The following OLFM3 variants were observed in gnomAD, a reference collection of about 807,000 sequenced individuals.
OLFM3 encodes the protein noelin-3.
OLFM3 carries 20 observed loss-of-function variants against 48.6 expected under a neutral mutation model. The ratio of observed to expected loss-of-function variants is 0.41; its 90% CI spans 0.29 to 0.60. OLFM3 has a LOEUF of 0.60. Ranked by LOEUF, OLFM3 falls within the 20% of genes least tolerant of loss-of-function variation. The pLI, the probability that OLFM3 is intolerant of heterozygous loss-of-function variation, is 0.28. For synonymous variants in OLFM3, 222 were observed against 198.1 expected (o/e 1.12, Z -1.01); for missense variants, 437 against 544.3 (o/e 0.80, Z 1.96).
At chr1:101,821,936 C>A (rs189483951) in intron 4 of OLFM3, among the ~76,000 whole-genome samples, 260 of 152,132 alleles carry the variant, frequency 1.7e-3, no homozygotes, top group African/African-American at 6.2e-3. Flanking sequence ...CAATCAAATT[C>A]TTTCTAACAT....
At chr1:101,851,204 C>T (rs1656209536) in intron 1 of OLFM3, among the ~76,000 whole-genome samples, 1 of 152,104 alleles carries the variant, frequency 6.6e-6, no homozygotes, top group Admixed American at 6.6e-5. Context: ...ACCTTAAAAG[C>T]AGTTTAGTGG....
At chr1:101,918,813 G>A (rs1330850867) in intron 1 of OLFM3, among the ~76,000 whole-genome samples, 1 of 152,038 alleles carries the variant, frequency 6.6e-6, no homozygotes, top group African/African-American at 2.4e-5. Flanking sequence ...CATTTTAGAT[G>A]TAAACACTGA....
intron 1 of OLFM3, among the ~76,000 whole-genome samples, chr1:101,981,265 A>G (rs535435774): frequency 1.8e-4 from 27 of 151,414 alleles, no homozygotes; most frequent in African/African-American, 6.3e-4. Flanking sequence ...GCTTCCATGC[A>G]CTCACACACT....
chr1:101,824,104 T>TTGTGTG (rs141570598), intron 4 of OLFM3, among the ~76,000 whole-genome samples: 3 of 150,062 alleles, frequency 2.0e-5, no homozygotes, highest in South Asian at 2.1e-4. Context: ...AATTAATCTT[T>TTGTGTG]TGTGTGTGTG....
At chr1:101,933,201 CAAAAAAAAAAAAAAA>C (rs761881274) in intron 1 of OLFM3, among the ~76,000 whole-genome samples, 2 of 40,124 alleles carry the variant, frequency 5.0e-5, no homozygotes, top group Non-Finnish European at 9.0e-5. Flanking sequence ...GACTCCATCT[CAAAAAAAAAAAAAAA>C]AAAAAAAAAA....
chr1:101,917,889 G>A (rs933153321), intron 1 of OLFM3, among the ~76,000 whole-genome samples: 1 of 152,124 alleles, frequency 6.6e-6, no homozygotes, highest in Admixed American at 6.5e-5. Flanking sequence ...AGCCATTACA[G>A]TGGTATTCTC....
rs183978337 is a variant in OLFM3, at chr1:101,839,337, C to T, written c.70-2312G>A. Among the ~76,000 whole-genome samples, 97 of 152,112 alleles carry T rather than the reference C, an allele frequency of 6.4e-4. 1 individual carries two copies. Among genetic ancestry groups the T allele is most frequent in the Non-Finnish European group, 1.2e-3 (81 of 68,000 alleles). On this transcript the variant is annotated intron_variant, in intron 1 of 5. Transcript: ENST00000370103. ...AGATCTTAGAGATTACTGGGTTAGT[C>T]TTTTAGTATTATTTTTTAAAATGCA...
At chr1:101,964,782 A>G (rs1660563978) in intron 1 of OLFM3, among the ~76,000 whole-genome samples, 1 of 152,232 alleles carries the variant, frequency 6.6e-6, no homozygotes, top group African/African-American at 2.4e-5. Flanking sequence ...GAATATCAGC[A>G]TGAAAGTATA....
At chr1:101,835,924 CA>C (rs1419346174) in intron 2 of OLFM3, among the ~76,000 whole-genome samples, 1 of 152,174 alleles carries the variant, frequency 6.6e-6, no homozygotes, top group African/African-American at 2.4e-5. Context: ...GTCACCATGG[CA>C]GCCTGAAATT....
intron 4 of OLFM3, among the ~76,000 whole-genome samples, chr1:101,812,127 T>C (rs1245102549): frequency 6.6e-6 from 1 of 151,676 alleles, no homozygotes; most frequent in Non-Finnish European, 1.5e-5. Context: ...TAGGTGGGAG[T>C]TGAACAATGA....
chr1:101,926,940 G>C (rs1390740336), intron 1 of OLFM3, among the ~76,000 whole-genome samples: 1 of 152,010 alleles, frequency 6.6e-6, no homozygotes, highest in Non-Finnish European at 1.5e-5. Flanking sequence ...GGAAACAACA[G>C]CAATAAAAAA....
chr1:101,940,650 C>T (rs971756196), intron 1 of OLFM3, among the ~76,000 whole-genome samples: 3 of 150,748 alleles, frequency 2.0e-5, no homozygotes, highest in African/African-American at 7.3e-5. Context: ...TCACACATTC[C>T]TTGATATTCC....
In OLFM3 at chr1:101,996,729, C is replaced by T. The variant is rs1384393515; in HGVS notation, c.69+19G>A. ...TATTGCACATTTATTTCAAACAAGA[C>T]TCAAAATATTGTTCATACCTTGGAA... On this transcript the variant is annotated intron_variant, in intron 1 of 5. Transcript: ENST00000370103. 6.2e-7 allele frequency: 1 copy of T among 1,613,036 alleles called. No homozygotes were observed. The highest frequency in any genetic ancestry group is 1.3e-5 in the African/African-American group (1 of 75,016).
At chr1:101,945,867 AT>A (rs5776612) in intron 1 of OLFM3, among the ~76,000 whole-genome samples, 71,123 of 151,468 alleles carry the variant, frequency 0.47, 17,039 homozygotes, top group East Asian at 0.65. Flanking sequence ...AACAATTAAA[AT>A]TTTTTTAAAA....
At chr1:101,917,734 A>G (rs771529864) in intron 1 of OLFM3, among the ~76,000 whole-genome samples, 1 of 152,218 alleles carries the variant, frequency 6.6e-6, no homozygotes, top group Non-Finnish European at 1.5e-5. Context: ...ACTATATTTT[A>G]TAAATCACAA....
chr1:101,845,863 T>C (rs1403375580), intron 1 of OLFM3, among the ~76,000 whole-genome samples: 1 of 152,182 alleles, frequency 6.6e-6, no homozygotes, highest in African/African-American at 2.4e-5. Context: ...TTGATTAACA[T>C]TGGTTGATAG....
At chr1:101,946,009 T>C (rs1444183907) in intron 1 of OLFM3, among the ~76,000 whole-genome samples, 5 of 152,194 alleles carry the variant, frequency 3.3e-5, no homozygotes, top group African/African-American at 1.2e-4. Context: ...AAAAATGTTG[T>C]CTTGTGAGAA....
At chr1:101,814,732 C>G (rs1386748447) in intron 4 of OLFM3, among the ~76,000 whole-genome samples, 1 of 152,128 alleles carries the variant, frequency 6.6e-6, no homozygotes, top group Admixed American at 6.6e-5. Flanking sequence ...GAACAATTTT[C>G]TAACCTCTCA....
At chr1:101,974,664 G>T (rs1570681332) in intron 1 of OLFM3, among the ~76,000 whole-genome samples, 2 of 152,116 alleles carry the variant, frequency 1.3e-5, no homozygotes, top group South Asian at 4.2e-4. Context: ...TTCTGACAGG[G>T]TCTACTAATG....
Sources: gnomAD v4.1 joint callset for allele counts (sites outside exome capture counted in the v4.1 genomes callset) on GRCh38, gnomAD v4.1.1 for gene constraint, MANE v1.5 for transcripts, NCBI Gene and HGNC (gene_info 2026-07-23, HGNC 2026-07-21) for gene names.